The following PRSS23 variants were observed in gnomAD, a reference collection of about 807,000 sequenced individuals.
The protein encoded by PRSS23 is serine protease 23.
A neutral mutation model predicts 34.7 loss-of-function variants in PRSS23; 25 were observed. The observed-to-expected ratio is 0.72, with a 90% CI of 0.53 to 1.01. The LOEUF (loss-of-function observed/expected upper bound fraction) is 1.01. Among genes scored for constraint, PRSS23 ranks in the 50% least tolerant of loss-of-function variants. The probability of loss-of-function intolerance (pLI) is 0.00; values close to 1 mark genes in which losing one functional copy is unlikely to be tolerated. For missense variants in PRSS23, 445 were observed against 475.6 expected (o/e 0.94, Z 0.60); for synonymous variants, 176 against 186.6 (o/e 0.94, Z 0.46).
intron 2 of PRSS23, among the ~76,000 whole-genome samples, chr11:86,841,350 A>AAG (rs1555073422): frequency 7.5e-6 from 1 of 132,816 alleles, no homozygotes; most frequent in African/African-American, 2.8e-5. Context: ...AAAAAAAAAA[A>AAG]AAGAAGAAGA....
chr11:86,804,054 T>G (rs1396650154), intron 1 of PRSS23, among the ~76,000 whole-genome samples: 1 of 152,086 alleles, frequency 6.6e-6, no homozygotes, highest in Admixed American at 6.6e-5. Context: ...ATTATAATAT[T>G]AGGGAATCCT....
intron 1 of PRSS23, among the ~76,000 whole-genome samples, chr11:86,804,120 G>A (rs1470206502): frequency 2.0e-5 from 3 of 152,136 alleles, no homozygotes; most frequent in Admixed American, 2.0e-4. Context: ...GGTTGAGGAT[G>A]CTATTCAGAA....
intron 2 of PRSS23, among the ~76,000 whole-genome samples, chr11:86,855,519 G>A (rs1687878368): frequency 6.6e-6 from 1 of 152,080 alleles, no homozygotes; most frequent in African/African-American, 2.4e-5. Flanking sequence ...TGTGTGTGAT[G>A]GAGTCTCGTT....
At chr11:86,833,222 TG>T in intron 2 of PRSS23, 1 of 1,485,432 alleles carries the variant, frequency 6.7e-7, no homozygotes, top group Non-Finnish European at 9.3e-7. Flanking sequence ...ACAATCATCT[TG>T]GGGACCGTGT....
At chr11:86,857,971 C>T (rs1487509174) in intron 2 of PRSS23, 2 of 366,040 alleles carry the variant, frequency 5.5e-6, no homozygotes, top group African/African-American at 2.1e-5. Context: ...GGGGGTTGTA[C>T]ACGCCTTCTG....
upstream of PRSS23, among the ~76,000 whole-genome samples, chr11:86,797,716 G>A (rs1016952648): frequency 1.3e-5 from 2 of 152,196 alleles, no homozygotes; most frequent in African/African-American, 4.8e-5. Context: ...ACTACACTCC[G>A]AAGCAGAGCC....
chr11:86,924,944 T>C (rs547502998), intron 2 of PRSS23: 1 of 152,342 alleles, frequency 6.6e-6, no homozygotes, highest in Admixed American at 6.5e-5. Flanking sequence ...TATTTCATTC[T>C]GTAACATTTT....
chr11:86,800,489 G>A, upstream of PRSS23: 2 of 984,260 alleles, frequency 2.0e-6, no homozygotes, highest in Non-Finnish European at 2.4e-6. Flanking sequence ...GCGGGCCTCG[G>A]GTGGCGCGGG....
chr11:86,834,548 TTCCTTTTTCCTTTCCTTTCC>T (rs1410040585), intron 2 of PRSS23, among the ~76,000 whole-genome samples: 81 of 134,340 alleles, frequency 6.0e-4, no homozygotes, highest in African/African-American at 1.2e-3. Context: ...TTCCTTTCCT[TTCCTTTTTCCTTTCCTTTCC>T]TTTCCTTTCC....
intron 1 of PRSS23, among the ~76,000 whole-genome samples, chr11:86,793,068 G>A (rs1947961026): frequency 6.6e-6 from 1 of 152,152 alleles, no homozygotes; most frequent in South Asian, 2.1e-4. Context: ...TGTTGCCCAG[G>A]CTAGTCTTGA....
At chr11:86,823,422 C>T (rs899177972) in exon 2 of PRSS23, 1 of 702,356 alleles carries the variant, frequency 1.4e-6, no homozygotes. Context: ...CAACCCTGGC[C>T]TAGTCCTCAT....
intron 2 of PRSS23, among the ~76,000 whole-genome samples, chr11:86,928,732 T>C (rs1949102607): frequency 9.1e-6 from 1 of 109,468 alleles, no homozygotes; most frequent in South Asian, 3.2e-4. Context: ...CAGCATATAA[T>C]ACATTATGTT....
chr11:86,885,270 AC>A (rs1245601892), intron 2 of PRSS23, among the ~76,000 whole-genome samples: 7 of 152,232 alleles, frequency 4.6e-5, no homozygotes, highest in Admixed American at 1.3e-4. Flanking sequence ...AAAGGAAAGC[AC>A]AGAAACCTGA....
At chr11:86,833,224 G>A (rs1449145779) in intron 2 of PRSS23, 12 of 1,485,210 alleles carry the variant, frequency 8.1e-6, no homozygotes, top group Non-Finnish European at 1.1e-5. Flanking sequence ...AATCATCTTG[G>A]GGACCGTGTT....
chr11:86,792,164 C>G (rs1565345325), intron 1 of PRSS23, among the ~76,000 whole-genome samples: 1 of 152,190 alleles, frequency 6.6e-6, no homozygotes, highest in Non-Finnish European at 1.5e-5. Flanking sequence ...ACAGCACAAC[C>G]TGACTCCCTT....
In PRSS23 at chr11:86,808,011, A is replaced by G; in HGVS notation, c.368A>G (p.Lys123Arg). 2 of 1,614,016 alleles carry G rather than the reference A, an allele frequency of 1.2e-6. No homozygotes were observed. The highest frequency in any genetic ancestry group is 2.2e-5 in the East Asian group (1 of 44,862). Residue 123 changes from lysine to arginine, a missense_variant, in exon 2 of 2, where the codon AAG (lysine) becomes AGG (arginine). Coordinates refer to ENST00000280258, the MANE Select transcript of PRSS23 (RefSeq NM_007173.6). ...AQHRDSGSSG[K>R]SRRKRQIYGY... ...CACCGAGACTCAGGGTCTTCAGGAA[A>G]GTCTCGAAGGAAGCGGCAGATTTAT...
intron 2 of PRSS23, among the ~76,000 whole-genome samples, chr11:86,874,516 C>T (rs1183522488): frequency 6.6e-6 from 1 of 152,164 alleles, no homozygotes; most frequent in Non-Finnish European, 1.5e-5. Flanking sequence ...GCCAGTCATG[C>T]TGTCATAATC....
In PRSS23 at chr11:86,923,128, C is replaced by CTT. The variant is rs34997377; in HGVS notation, c.207-28072_207-28071dup. 8.5e-4 allele frequency among the ~76,000 whole-genome samples: 109 copies of CTT among 127,728 alleles called. 1 individual carries two copies. Among genetic ancestry groups the CTT allele is most frequent in the African/African-American group, 2.9e-3 (103 of 35,762 alleles). 83.8% of individuals were successfully genotyped at this position (127,728 alleles called of 152,430 possible). A position where few individuals can be genotyped will look rare whatever the true frequency, so the allele number is the denominator to read the frequency against. ...AATTAATTTCACCTGTTCCTGTCTA[C>CTT]TTTTTTTTTTTTTTTTTGAGACGGG... On this transcript the variant is annotated intron_variant, in intron 2 of 2. Transcript: ENST00000533902.
intron 1 of PRSS23, among the ~76,000 whole-genome samples, chr11:86,819,231 G>A (rs938798152): frequency 1.3e-5 from 2 of 152,098 alleles, no homozygotes; most frequent in African/African-American, 4.8e-5. Flanking sequence ...GAAAGCCAGC[G>A]AGAGACCCAG....
Sources: gnomAD v4.1 joint callset for allele counts (sites outside exome capture counted in the v4.1 genomes callset) on GRCh38, gnomAD v4.1.1 for gene constraint, MANE v1.5 for transcripts, NCBI Gene and HGNC (gene_info 2026-07-23, HGNC 2026-07-21) for gene names.